Variants in PKD1L1 observed in about 807,000 individuals in gnomAD.
The protein encoded by PKD1L1 is polycystin-1-like protein 1.
In PKD1L1, 236 loss-of-function variants were observed where a neutral mutation model predicts 323.4. The observed-to-expected ratio is 0.73, with a 90% CI of 0.66 to 0.81. The LOEUF is 0.81. Ranked by LOEUF, PKD1L1 falls within the 40% of genes least tolerant of loss-of-function variation. PKD1L1 has a pLI of 0.00. For synonymous variants in PKD1L1, 1,344 were observed against 1,335.0 expected (o/e 1.01, Z -0.15); for missense variants, 3,320 against 3,508.0 (o/e 0.95, Z 1.35).
At chr7:47,924,430 T>C (rs1025153933) in intron 7 of PKD1L1, among the ~76,000 whole-genome samples, 2 of 152,190 alleles carry the variant, frequency 1.3e-5, no homozygotes, top group African/African-American at 4.8e-5. Flanking sequence ...AAATCAGATC[T>C]TTAGGTTTCA....
At chr7:47,939,239 G>C (rs536245667) in intron 3 of PKD1L1, among the ~76,000 whole-genome samples, 4 of 152,302 alleles carry the variant, frequency 2.6e-5, no homozygotes, top group South Asian at 4.1e-4. Flanking sequence ...TGTGGGTTGA[G>C]ATCAAATTCA....
At chr7:47,888,295 G>A (rs1460838401) in intron 16 of PKD1L1, 145 bp from the exon 17 acceptor site, 1 of 801,842 alleles carries the variant, frequency 1.2e-6, no homozygotes, top group African/African-American at 1.7e-5. Context: ...CACATATGAT[G>A]GCACATATGG....
At chr7:47,779,550 G>A (rs1260423036) in intron 56 of PKD1L1, among the ~76,000 whole-genome samples, 2 of 152,044 alleles carry the variant, frequency 1.3e-5, no homozygotes, top group Admixed American at 6.6e-5. Flanking sequence ...TATTCTCTAC[G>A]GAGATATTTG....
rs963958805 is a variant in PKD1L1 at position 47,948,431 on chromosome 7, C to T, written c.10G>A (p.Glu4Lys). 6.2e-7 allele frequency: 1 copy of T among 1,614,144 alleles called. No individual in the cohort carries two copies. The highest frequency in any genetic ancestry group is 8.5e-7 in the Non-Finnish European group (1 of 1,180,030). The change falls in exon 1 of 57, where the codon GAG (glutamate) becomes AAG (lysine). Residue 4 changes from glutamate to lysine, a missense_variant. Coordinates refer to ENST00000289672, the MANE Select transcript of PKD1L1 (RefSeq NM_138295.5). ...TCATCAGAAATGTTCTGGGCTGCCT[C>T]CTCGGCCATGTCCTGTGCAAGCTGG... MAE[E>K]AAQNISDDQE...
intron 8 of PKD1L1, 135 bp downstream of exon 8, chr7:47,915,297 C>G (rs1230117351): frequency 2.8e-5 from 16 of 578,884 alleles, no homozygotes; most frequent in Non-Finnish European, 3.1e-6. Context: ...CAATGCCACA[C>G]ACAGGACACC....
At chr7:47,876,260 C>G in intron 22 of PKD1L1, 43 bp from the exon 23 acceptor site, 1 of 1,602,148 alleles carries the variant, frequency 6.2e-7, no homozygotes, top group Non-Finnish European at 8.5e-7. Context: ...TAAATGAACA[C>G]ACTGTGAATG....
chr7:47,922,066 C>T (rs991638610), intron 7 of PKD1L1, among the ~76,000 whole-genome samples: 2 of 152,232 alleles, frequency 1.3e-5, no homozygotes, highest in Non-Finnish European at 2.9e-5. Flanking sequence ...GCACGTGCTG[C>T]CACGCCTGAC....
At chr7:47,775,257 C>A in intron 56 of PKD1L1, 91 bp from the exon 57 acceptor site, 2 of 1,427,956 alleles carry the variant, frequency 1.4e-6, no homozygotes, top group South Asian at 2.4e-5. Context: ...AAGTGCTGAT[C>A]AGACCTGAAC....
intron 26 of PKD1L1, among the ~76,000 whole-genome samples, chr7:47,863,314 G>T (rs773894044): frequency 6.6e-6 from 1 of 152,130 alleles, no homozygotes; most frequent in African/African-American, 2.4e-5. Context: ...AAATGAGAGC[G>T]TGTAGTTATA....
intron 54 of PKD1L1, among the ~76,000 whole-genome samples, chr7:47,800,354 G>T (rs938181346): frequency 6.6e-6 from 1 of 152,358 alleles, no homozygotes; most frequent in African/African-American, 2.4e-5. Flanking sequence ...GAAGTTCACA[G>T]TAAGAAATGA....
In PKD1L1 at chr7:47,814,003, A is replaced by C. The variant is rs763115301; in HGVS notation, c.7101T>G (p.Leu2367=). The change falls in exon 48 of 57, where the codon CTT becomes CTG. Residue 2367 remains leucine (L), a synonymous_variant. Coordinates refer to ENST00000289672, the MANE Select transcript of PKD1L1 (RefSeq NM_138295.5). The stretch of plus-strand genomic sequence containing the variant: ...TGCCTATTAGGTAGCATTTTCCTCC[A>C]AGAGCTCCAGGCTGAAAGGAGAAAA... ...ARVPGAQPGA[L]GGKCYLIGSS... The C allele has an allele frequency of 6.2e-7, 1 of 1,613,864 alleles. No individual in the cohort carries two copies. The highest frequency in any genetic ancestry group is 8.5e-7 in the Non-Finnish European group (1 of 1,179,948).
chr7:47,879,471 A>G (rs928361454), intron 21 of PKD1L1, among the ~76,000 whole-genome samples: 1 of 151,828 alleles, frequency 6.6e-6, no homozygotes, highest in Non-Finnish European at 1.5e-5. Context: ...CACTCTACTA[A>G]AAATACAAAA....
intron 37 of PKD1L1, among the ~76,000 whole-genome samples, chr7:47,835,629 G>A (rs1785441663): frequency 6.6e-6 from 1 of 152,090 alleles, no homozygotes; most frequent in Non-Finnish European, 1.5e-5. Context: ...TCAAACTCCT[G>A]ACCTCAGGTG....
At chr7:47,850,973 A>G (rs1422626426) in intron 31 of PKD1L1, among the ~76,000 whole-genome samples, 2 of 152,166 alleles carry the variant, frequency 1.3e-5, no homozygotes, top group Non-Finnish European at 2.9e-5. Flanking sequence ...ATATTTTGGC[A>G]ACTGGAATTC....
intron 56 of PKD1L1, among the ~76,000 whole-genome samples, chr7:47,777,480 C>T (rs1344530281): frequency 6.6e-6 from 1 of 152,192 alleles, no homozygotes; most frequent in African/African-American, 2.4e-5. Flanking sequence ...ATGGCATCTG[C>T]CCTACCTCTC....
intron 54 of PKD1L1, among the ~76,000 whole-genome samples, chr7:47,798,801 C>A (rs1329976771): frequency 6.6e-6 from 1 of 150,892 alleles, no homozygotes; most frequent in Admixed American, 6.6e-5. Flanking sequence ...AAAAAAAATT[C>A]TAGAAGAAAA....
At chr7:47,954,400 C>T in the PKD1L1 span, among the ~76,000 whole-genome samples, 1 of 152,214 alleles carries the variant, frequency 6.6e-6, no homozygotes, top group African/African-American at 2.4e-5. Flanking sequence ...GATGAAGTCA[C>T]AAGGACTCTG....
rs189339151 is a variant in PKD1L1 at position 47,821,430 on chromosome 7, G to C, written c.6855-244C>G. On this transcript the variant is annotated intron_variant, in intron 45 of 56. Transcript: ENST00000289672. The stretch of plus-strand genomic sequence containing the variant: ...ACTACAGGCACGTGCCACCACGCTC[G>C]GCTAACTTTTGTATATTTAGTGGAG... Among the ~76,000 whole-genome samples, 281 of 151,134 alleles carry C rather than the reference G, an allele frequency of 1.9e-3. 2 individuals carry two copies. The highest frequency in any genetic ancestry group is 6.8e-3 in the Middle Eastern group (2 of 294).
intron 56 of PKD1L1, among the ~76,000 whole-genome samples, chr7:47,782,452 T>C (rs1786719857): frequency 6.6e-6 from 1 of 152,220 alleles, no homozygotes; most frequent in East Asian, 1.9e-4. Flanking sequence ...GTCTCTACTT[T>C]TTCAAGGACA....
Sources: allele counts gnomAD v4.1 joint callset (sites outside exome capture counted in the v4.1 genomes callset), GRCh38; gene constraint gnomAD v4.1.1; transcripts MANE v1.5; gene names NCBI Gene and HGNC (gene_info 2026-07-23, HGNC 2026-07-21).